ZNF157: variants seen among roughly 807,000 people sequenced by gnomAD.
ZNF157 encodes zinc finger protein 157, also known as zinc finger protein 22.
Under a neutral mutation model 9.4 loss-of-function variants are expected in ZNF157, and 8 were observed. The ratio of observed to expected loss-of-function variants is 0.85; its 90% CI spans 0.50 to 1.53. The LOEUF is 1.53. Ranked by LOEUF, ZNF157 falls within the 40% of genes most tolerant of loss-of-function variation. The pLI is 0.00. For synonymous variants in ZNF157, 120 were observed against 130.8 expected, an observed-to-expected ratio of 0.92 and a Z score of 0.56; for missense variants, 316 against 385.2, an observed-to-expected ratio of 0.82 and a Z score of 1.50.
chrX:47,408,170 T>C (rs952137988), intron 1 of ZNF157, among the ~76,000 whole-genome samples: 2 of 110,230 alleles, frequency 1.8e-5, no homozygotes, highest in Non-Finnish European at 3.8e-5. Context: ...GGGCACGATC[T>C]CGGCTCATTG....
At chrX:47,410,559 A>G (rs1174781986) in intron 2 of ZNF157, 121 bp from the exon 3 acceptor site, 28 of 937,313 alleles carry the variant, frequency 3.0e-5, no homozygotes, top group Middle Eastern at 3.7e-4. Flanking sequence ...TACTTCCCCA[A>G]TGAAAGGTTT....
In ZNF157 at chrX:47,412,895, T is replaced by C. The variant is rs937478062; in HGVS notation, c.822T>C (p.Tyr274=). The part of the protein sequence containing the change: ...HQRTHTGEKP[Y]ECSECGKTFR... ...GAACTCACACAGGGGAGAAACCCTA[T>C]GAATGTAGTGAATGTGGGAAAACAT... is the stretch of plus-strand genomic sequence containing the variant. The change falls in exon 4 of 4, where the codon TAT becomes TAC. Residue 274 remains tyrosine, a synonymous_variant. Coordinates refer to ENST00000377073, the MANE Select transcript of ZNF157 (RefSeq NM_003446.4). The C allele has an allele frequency of 2.5e-6, 3 of 1,211,167 alleles. No individual in the cohort carries two copies. The highest frequency in any genetic ancestry group is 2.3e-4 in the Middle Eastern group (1 of 4,353).
chrX:47,391,636 C>T (rs2055897376), intron 1 of ZNF157, among the ~76,000 whole-genome samples: 1 of 111,782 alleles, frequency 8.9e-6, no homozygotes, highest in Non-Finnish European at 1.9e-5. Context: ...CTGCAACCTC[C>T]GCCTCCTGGG....
chrX:47,413,215 C>T lies in ZNF157; in HGVS notation c.1142C>T (p.Thr381Ile), dbSNP rs143036096. 6.9e-5 allele frequency: 83 copies of T among 1,210,485 alleles called. No individual in the cohort carries two copies. In the African/African-American group the frequency reaches 1.4e-3, roughly 20 times the overall value. ...CTTGGGATCCATCAGAGAATTCACA[C>T]AGGAGAGAAACCTTACGAATGTAAT... ...SSLGIHQRIH[T>I]GEKPYECNEC... The change falls in exon 4 of 4, where the codon ACA becomes ATA. Residue 381 changes from threonine (T) to isoleucine (I), a missense_variant. Physicochemically the swap from Thr to Ile is moderately conservative, Grantham distance 89. Coordinates refer to ENST00000377073, the MANE Select transcript of ZNF157 (RefSeq NM_003446.4).
chrX:47,386,369 C>T (rs1002044092), intron 1 of ZNF157, among the ~76,000 whole-genome samples: 1 of 111,027 alleles, frequency 9.0e-6, no homozygotes. Context: ...TCTATCCCCT[C>T]GAGGTTCCTA....
At position 47,413,606 on chromosome X, in the gene ZNF157, A is replaced by G; in HGVS notation, c.*12A>G. 1 of 1,172,427 alleles carries G rather than the reference A, an allele frequency of 8.5e-7. No individual in the cohort carries two copies. Among genetic ancestry groups the G allele is most frequent in the Non-Finnish European group, 1.1e-6 (1 of 876,557 alleles). On this transcript the variant is annotated 3_prime_UTR_variant, in exon 4 of 4. Coordinates refer to ENST00000377073, the MANE Select transcript of ZNF157 (RefSeq NM_003446.4). ...AAGCCTCTCACTGAAGACTTCCCTC[A>G]CCATTGGATCAAGCTCCTTGGGGGC...
intron 1 of ZNF157, among the ~76,000 whole-genome samples, chrX:47,383,303 C>T (rs983362088): frequency 3.2e-5 from 3 of 92,497 alleles, no homozygotes; most frequent in African/African-American, 7.9e-5. Context: ...ACCCGGGAGT[C>T]ACAGGTTGCA....
At chrX:47,410,635 G>A in intron 2 of ZNF157, 45 bp from the exon 3 acceptor site, 1 of 1,131,903 alleles carries the variant, frequency 8.8e-7, no homozygotes, top group Non-Finnish European at 1.2e-6. Flanking sequence ...AGGCCCTAGA[G>A]CTCAGACAAC....
At chrX:47,393,554 A>C (rs755789482) in intron 1 of ZNF157, among the ~76,000 whole-genome samples, 1 of 110,288 alleles carries the variant, frequency 9.1e-6, no homozygotes, top group African/African-American at 3.3e-5. Context: ...CCCAACAGTG[A>C]ATTTTCTTTC....
At position 47,412,928 on chromosome X, in the gene ZNF157, A is replaced by G. The variant is rs1197421005; in HGVS notation, c.855A>G (p.Val285=). Residue 285 remains valine (V), a synonymous_variant, in exon 4 of 4, where the codon GTA becomes GTG. Transcript: ENST00000377073. ...ECSECGKTFR[V]KISLTQHHRT... is the part of the protein sequence containing the mutation. ...GTGAATGTGGGAAAACATTTCGTGT[A>G]AAGATATCCCTTACCCAACACCACA... 5.8e-6 allele frequency: 7 copies of G among 1,207,959 alleles called. No individual in the cohort carries two copies. Among genetic ancestry groups the G allele is most frequent in the South Asian group, 1.8e-5 (1 of 56,645 alleles).
At chrX:47,382,200 T>C (rs1408112287) in intron 1 of ZNF157, among the ~76,000 whole-genome samples, 1 of 110,091 alleles carries the variant, frequency 9.1e-6, no homozygotes, top group Non-Finnish European at 1.9e-5. Context: ...AGGGAGGACA[T>C]TGAGTTCTGT....
chrX:47,410,152 C>A (rs2055959825), intron 1 of ZNF157, 124 bp from the exon 2 acceptor site: 19 of 986,166 alleles, frequency 1.9e-5, no homozygotes, highest in Non-Finnish European at 2.4e-5. Flanking sequence ...TCAAGCGAGA[C>A]ACAAAATCAG....
chrX:47,414,337 G>A lies in ZNF157; in HGVS notation c.*743G>A, dbSNP rs1192349063. 9.0e-6 allele frequency: 1 copy of A among 111,576 alleles called. No individual in the cohort carries two copies. Among genetic ancestry groups the A allele is most frequent in the Non-Finnish European group, 1.9e-5 (1 of 53,168 alleles). The allele number at this position is 111,576 out of a possible 1,213,427, so 9.2% of individuals were successfully genotyped here. ...AAAGTTTTATATTTTAATATTATCA[G>A]TTTCAAGGTGATAATATTCACCTAT... On this transcript the variant is annotated 3_prime_UTR_variant, in exon 4 of 4. Coordinates refer to ENST00000377073, the MANE Select transcript of ZNF157 (RefSeq NM_003446.4).
Position 47,373,844 on chromosome X carries a change from C to T in ZNF157, c.72+3104C>T, listed in dbSNP as rs987642086. Among the ~76,000 whole-genome samples, 3 of 92,617 alleles carry T rather than the reference C, an allele frequency of 3.2e-5. No homozygotes were observed. The Admixed American group carries it at 3.8e-4, about 12-fold the overall frequency. The allele number at this position is 92,617 out of a possible 115,157, so 80.4% of individuals were successfully genotyped here. ...CTAGGACCACAGGTGTGTGCCACCA[C>T]GCCCGGCTAATTAAAAAAAATTTTT... is the stretch of plus-strand genomic sequence containing the variant. On this transcript the variant is annotated intron_variant, in intron 1 of 3. Transcript: ENST00000377073.
intron 1 of ZNF157, among the ~76,000 whole-genome samples, chrX:47,400,744 C>T (rs1013409679): frequency 3.6e-5 from 4 of 111,719 alleles, no homozygotes; most frequent in African/African-American, 1.3e-4. Context: ...CAGCCTCGAC[C>T]TCCTAGGCTC....
rs769541152 is a variant in ZNF157, at chrX:47,374,998, C to CTTTTTTTT, written c.72+4287_72+4294dup. On this transcript the variant is annotated intron_variant, in intron 1 of 3. Transcript: ENST00000377073. ...GTGAGCCCTGAGCCCGGCTGACAATCTTTTTTTTTTTTTTTTTTTTTTTTT... is the reference window on the plus strand; with the variant it reads ...GTGAGCCCTGAGCCCGGCTGACAATCTTTTTTTTTTTTTTTTTTTTTTTTTTTTTTTTT... Among the ~76,000 whole-genome samples, 46 of 24,996 alleles carry CTTTTTTTT rather than the reference C, an allele frequency of 1.8e-3. 17 individuals carry two copies. The highest frequency in any genetic ancestry group is 3.6e-3 in the East Asian group (2 of 561). 21.7% of individuals were successfully genotyped at this position (24,996 alleles called of 115,157 possible).
intron 1 of ZNF157, among the ~76,000 whole-genome samples, chrX:47,397,241 CTTTTTTT>C (rs769178786): frequency 5.1e-5 from 4 of 77,789 alleles, no homozygotes; most frequent in African/African-American, 9.8e-5. Context: ...TTTTTTCTTT[CTTTTTTT>C]TTTTTTTTTT....
In ZNF157 at chrX:47,410,691, G is replaced by A. The variant is rs2055961844; in HGVS notation, c.211G>A (p.Ala71Thr). 1 of 1,205,676 alleles carries A rather than the reference G, an allele frequency of 8.3e-7. No homozygotes were observed. Among genetic ancestry groups the A allele is most frequent in the Non-Finnish European group, 1.1e-6 (1 of 892,648 alleles). ...TTTCCCATTAACAGGCCTCTGCGTG[G>A]CCAAACCAGAGATGATCTTCAAGTT... ...SNLASVGLCV[A>T]KPEMIFKLER... is the part of the protein sequence containing the mutation. The change falls in exon 3 of 4, where the codon GCC (alanine) becomes ACC (threonine). Residue 71 changes from alanine to threonine, a missense_variant. Transcript: ENST00000377073.
Position 47,413,383 on chromosome X carries a change from C to T in ZNF157, c.1310C>T (p.Thr437Ile). 2.5e-6 allele frequency: 3 copies of T among 1,211,815 alleles called. No homozygotes were observed. Among genetic ancestry groups the T allele is most frequent in the Non-Finnish European group, 3.4e-6 (3 of 895,487 alleles). The change falls in exon 4 of 4, where the codon ACA becomes ATA. Residue 437 changes from threonine to isoleucine, a missense_variant. Thr to Ile is a moderately conservative substitution (Grantham distance 89). Transcript: ENST00000377073. ...KSLCQHRRTHTGEKPYECSEC... is the reference protein window; with the variant it reads ...KSLCQHRRTHIGEKPYECSEC... ...CTTTGTCAACACCGGAGAACTCACA[C>T]AGGAGAGAAACCTTATGAATGTAGT...
Sources: allele counts gnomAD v4.1 joint callset (sites outside exome capture counted in the v4.1 genomes callset), GRCh38; gene constraint gnomAD v4.1.1; transcripts MANE v1.5; gene names NCBI Gene and HGNC (gene_info 2026-07-23, HGNC 2026-07-21).